Variants in NKAIN3 observed in about 807,000 individuals in gnomAD.
NKAIN3 encodes the protein sodium/potassium transporting ATPase interacting 3.
In NKAIN3, 25 loss-of-function variants were observed where a neutral mutation model predicts 30.2. The ratio of observed to expected loss-of-function variants is 0.83; its 90% CI spans 0.60 to 1.16. The LOEUF (loss-of-function observed/expected upper bound fraction) is 1.16, where lower values mean the gene tolerates loss of function less well. Ranked by LOEUF, NKAIN3 falls within the 50% of genes most tolerant of loss-of-function variation. NKAIN3 has a pLI of 0.00. For synonymous variants in NKAIN3, 91 were observed against 89.6 expected (o/e 1.02, Z -0.09); for missense variants, 225 against 254.1 (o/e 0.89, Z 0.78).
At chr8:62,632,196 A>G (rs1226763524) in intron 3 of NKAIN3, among the ~76,000 whole-genome samples, 3 of 152,134 alleles carry the variant, frequency 2.0e-5, no homozygotes, top group Admixed American at 1.3e-4. Flanking sequence ...AACCACTTAT[A>G]TTGATTTAGT....
chr8:62,873,919 A>G (rs994563624), intron 4 of NKAIN3, among the ~76,000 whole-genome samples: 11 of 152,154 alleles, frequency 7.2e-5, no homozygotes, highest in Non-Finnish European at 1.6e-4. Flanking sequence ...GTCACAATTA[A>G]AAGAGCTAGC....
chr8:62,951,021 A>G (rs998441009), intron 5 of NKAIN3, among the ~76,000 whole-genome samples: 1 of 141,572 alleles, frequency 7.1e-6, no homozygotes, highest in Non-Finnish European at 1.5e-5. Context: ...CAACAATACC[A>G]CTCTCTTTTC....
rs548667304 is a variant in NKAIN3, at chr8:62,529,081, G to T, written c.55-50458G>T. On this transcript the variant is annotated intron_variant, in intron 1 of 6. Coordinates refer to ENST00000623646, the MANE Select transcript of NKAIN3 (RefSeq NM_001304533.3). ...ATCTTTTTCTTCTTTATCATCCATAGCAGATGAGGTATAGGTACAGAACAC... is the reference window on the plus strand; with the variant it reads ...ATCTTTTTCTTCTTTATCATCCATATCAGATGAGGTATAGGTACAGAACAC... Among the ~76,000 whole-genome samples the T allele has an allele frequency of 5.9e-5, 9 of 152,122 alleles. No individual in the cohort carries two copies. The South Asian group carries it at 1.9e-3, about 32-fold the overall frequency.
At chr8:62,852,140 A>T (rs980391607) in intron 4 of NKAIN3, among the ~76,000 whole-genome samples, 13 of 152,106 alleles carry the variant, frequency 8.5e-5, no homozygotes, top group Non-Finnish European at 1.6e-4. Context: ...AGAGCCTGTT[A>T]TTGGTCTATT....
In NKAIN3 at chr8:62,968,070, A is replaced by C. The variant is rs981074690; in HGVS notation, c.*2663A>C. 6.6e-6 allele frequency among the ~76,000 whole-genome samples: 1 copy of C among 152,170 alleles called. No homozygotes were observed. Among genetic ancestry groups the C allele is most frequent in the African/African-American group, 2.4e-5 (1 of 41,444 alleles). On this transcript the variant is annotated 3_prime_UTR_variant, in exon 7 of 7. Coordinates refer to ENST00000623646, the MANE Select transcript of NKAIN3 (RefSeq NM_001304533.3). ...GAAGTTATAACTGTTTCAATCTCCA[A>C]CCTCAGCAATCCATAAAGATTGTCC... is the stretch of plus-strand genomic sequence containing the variant.
intron 4 of NKAIN3, among the ~76,000 whole-genome samples, chr8:62,904,120 A>G (rs1276675533): frequency 6.6e-6 from 1 of 152,172 alleles, no homozygotes; most frequent in Non-Finnish European, 1.5e-5. Flanking sequence ...GCCACATGTT[A>G]TGTATCTGGA....
chr8:62,746,653 A>C (rs1263396210), intron 3 of NKAIN3, among the ~76,000 whole-genome samples: 2 of 152,242 alleles, frequency 1.3e-5, no homozygotes, highest in Non-Finnish European at 2.9e-5. Flanking sequence ...TTTTAAATAA[A>C]TGTATATGGA....
At chr8:62,851,394 C>G (rs541273134) in intron 4 of NKAIN3, among the ~76,000 whole-genome samples, 56 of 152,120 alleles carry the variant, frequency 3.7e-4, no homozygotes, top group Middle Eastern at 3.4e-3. Context: ...CAATCATGTC[C>G]TCTGCAAACA....
At chr8:62,477,456 G>C (rs999424438) in intron 1 of NKAIN3, among the ~76,000 whole-genome samples, 1 of 152,114 alleles carries the variant, frequency 6.6e-6, no homozygotes, top group Non-Finnish European at 1.5e-5. Context: ...TATTTTCTTT[G>C]ACTTCGTGGC....
chr8:62,345,744 TG>T, intron 1 of NKAIN3, among the ~76,000 whole-genome samples: 1 of 151,748 alleles, frequency 6.6e-6, no homozygotes, highest in South Asian at 2.1e-4. Flanking sequence ...TCTTTCCAAA[TG>T]GGGATATCCT....
At chr8:62,991,843 GT>G (rs1438735773) in intron 5 of NKAIN3, among the ~76,000 whole-genome samples, 5 of 152,122 alleles carry the variant, frequency 3.3e-5, no homozygotes, top group Non-Finnish European at 7.4e-5. Context: ...GGGACAAAGT[GT>G]CCTGGTGAAT....
intron 4 of NKAIN3, among the ~76,000 whole-genome samples, chr8:62,828,318 G>A (rs1221418857): frequency 2.0e-5 from 3 of 151,132 alleles, no homozygotes; most frequent in African/African-American, 7.3e-5. Flanking sequence ...ACTGTCTTGA[G>A]CCTAGTTGTA....
chr8:62,580,988 A>G (rs1406267406), intron 2 of NKAIN3, among the ~76,000 whole-genome samples: 1 of 149,986 alleles, frequency 6.7e-6, no homozygotes, highest in South Asian at 2.1e-4. Context: ...CTGTGGTCCC[A>G]GCTACTTGGG....
intron 1 of NKAIN3, among the ~76,000 whole-genome samples, chr8:62,445,430 A>G (rs539667768): frequency 6.6e-6 from 1 of 151,102 alleles, no homozygotes; most frequent in South Asian, 2.1e-4. Flanking sequence ...CATTTTTCTT[A>G]TAAGGAAATT....
At chr8:62,567,854 A>T (rs965273021) in intron 1 of NKAIN3, among the ~76,000 whole-genome samples, 1 of 152,166 alleles carries the variant, frequency 6.6e-6, no homozygotes, top group African/African-American at 2.4e-5. Flanking sequence ...AAAGATTATA[A>T]AGTAATAAAG....
chr8:62,462,652 TG>T (rs1331250672), intron 1 of NKAIN3, among the ~76,000 whole-genome samples: 1 of 152,150 alleles, frequency 6.6e-6, no homozygotes, highest in East Asian at 1.9e-4. Flanking sequence ...CTGGGAACCA[TG>T]AGGCAACTTG....
chr8:62,814,389 T>TA (rs1167979912), intron 4 of NKAIN3, among the ~76,000 whole-genome samples: 5 of 152,004 alleles, frequency 3.3e-5, no homozygotes, highest in African/African-American at 1.2e-4. Flanking sequence ...ACCTAATAGA[T>TA]ATCTACAGAA....
At chr8:62,861,135 G>A (rs1031939659) in intron 4 of NKAIN3, among the ~76,000 whole-genome samples, 11 of 152,166 alleles carry the variant, frequency 7.2e-5, no homozygotes, top group Non-Finnish European at 1.5e-4. Context: ...AGTTACTGCG[G>A]AGGGTTCTCA....
At chr8:62,839,834 G>C (rs997015552) in intron 4 of NKAIN3, among the ~76,000 whole-genome samples, 4 of 151,842 alleles carry the variant, frequency 2.6e-5, no homozygotes, top group African/African-American at 7.3e-5. Context: ...GGCTGGTCTC[G>C]AACTCAGGCC....
Sources: gnomAD v4.1 joint callset for allele counts (sites outside exome capture counted in the v4.1 genomes callset) on GRCh38, gnomAD v4.1.1 for gene constraint, MANE v1.5 for transcripts, NCBI Gene and HGNC (gene_info 2026-07-23, HGNC 2026-07-21) for gene names.